The following SAMD7 variants were observed in gnomAD, a reference collection of about 807,000 sequenced individuals.
SAMD7 encodes sterile alpha motif domain-containing protein 7.
In SAMD7, 34 loss-of-function variants were observed where a neutral mutation model predicts 36.7. The observed-to-expected ratio is 0.93, with a 90% CI of 0.71 to 1.23. The LOEUF is 1.23. Among genes scored for constraint, SAMD7 ranks in the 50% most tolerant of loss-of-function variants. The pLI is 0.00. For missense variants in SAMD7, 570 were observed against 546.6 expected, an observed-to-expected ratio of 1.04 and a Z score of -0.43; for synonymous variants, 188 against 189.7, an observed-to-expected ratio of 0.99 and a Z score of 0.07.
chr3:169,921,281 T>C lies in SAMD7; in HGVS notation c.154T>C (p.Ser52Pro). The C allele has an allele frequency of 6.2e-7, 1 of 1,614,086 alleles. No homozygotes were observed. Among genetic ancestry groups the C allele is most frequent in the East Asian group, 2.2e-5 (1 of 44,884 alleles). The change falls in exon 4 of 9, where the codon TCC (serine) becomes CCC (proline). Residue 52 changes from serine (S) to proline (P), a missense_variant. Transcript: ENST00000335556. Reference protein sequence around the residue: ...RQFCVPSQFGSSVLPNTNMAN... With the variant: ...RQFCVPSQFGPSVLPNTNMAN... ...GTTTTGCGTTCCTTCCCAATTTGGATCCTCTGTTCTACCAAACACAAATAT... is the reference window on the plus strand; with the variant it reads ...GTTTTGCGTTCCTTCCCAATTTGGACCCTCTGTTCTACCAAACACAAATAT...
intron 2 of SAMD7, among the ~76,000 whole-genome samples, chr3:169,919,150 T>TCAA (rs35497086): frequency 1.3e-5 from 2 of 152,006 alleles, no homozygotes; most frequent in East Asian, 1.9e-4. Context: ...ATCTCAAAAA[T>TCAA]CAACAACAAC....
intron 5 of SAMD7, among the ~76,000 whole-genome samples, chr3:169,925,879 A>T (rs756366402): frequency 3.3e-5 from 5 of 152,190 alleles, no homozygotes; most frequent in Non-Finnish European, 7.3e-5. Context: ...TTGCGCAAAG[A>T]TAGGAGCCAA....
chr3:169,920,699 A>G (rs1713007456), intron 3 of SAMD7, among the ~76,000 whole-genome samples: 1 of 152,152 alleles, frequency 6.6e-6, no homozygotes, highest in African/African-American at 2.4e-5. Context: ...GTTGTTGTTT[A>G]GAATATTTTG....
At chr3:169,917,786 C>T (rs1055989367) in intron 2 of SAMD7, among the ~76,000 whole-genome samples, 3 of 152,036 alleles carry the variant, frequency 2.0e-5, no homozygotes, top group Admixed American at 6.6e-5. Flanking sequence ...AGACTACAGG[C>T]GCCCGCCACC....
chr3:169,931,312 C>T (rs879484175), intron 7 of SAMD7, among the ~76,000 whole-genome samples: 15 of 152,194 alleles, frequency 9.9e-5, no homozygotes, highest in Non-Finnish European at 1.5e-4. Context: ...TACATCTGAG[C>T]GACAGGGACA....
chr3:169,916,901 G>A lies in SAMD7; in HGVS notation c.-42+1460G>A, dbSNP rs116694916. On this transcript the variant is annotated intron_variant, in intron 2 of 8. Transcript: ENST00000335556. ...TTTCAAGTTGCGGGGCAGGGTCCTC[G>A]CTAGAGTTATGAGCCCAGCCCATCT... Among the ~76,000 whole-genome samples the A allele has an allele frequency of 5.0e-3, 763 of 152,226 alleles. 7 individuals are homozygous for A. The highest frequency in any genetic ancestry group is 0.018 in the African/African-American group (731 of 41,528).
intron 7 of SAMD7, among the ~76,000 whole-genome samples, chr3:169,930,227 T>A (rs2108263739): frequency 6.6e-6 from 1 of 152,340 alleles, no homozygotes; most frequent in Admixed American, 6.5e-5. Flanking sequence ...CTCTGCTGAC[T>A]CATTATCTCT....
chr3:169,912,780 T>G (rs1403714489), intron 1 of SAMD7, among the ~76,000 whole-genome samples: 10 of 152,182 alleles, frequency 6.6e-5, no homozygotes, highest in Non-Finnish European at 1.5e-4. Flanking sequence ...GTCCTAAAGC[T>G]TATGCCTTTA....
intron 6 of SAMD7, 104 bp downstream of exon 6, chr3:169,927,285 CTTTTTTTTT>C (rs71634451): frequency 3.7e-4 from 52 of 141,782 alleles, no homozygotes; most frequent in East Asian, 9.2e-4. Flanking sequence ...TTTTATCTTT[CTTTTTTTTT>C]TTTTTTTTTT....
rs1713273630 is a variant in SAMD7, at chr3:169,926,680, CATGGCAGG to C, written c.420_427del (p.His140GlnfsTer7). ...TGTCCCAGCTGCCCCCGCTGCCTAC[CATGGCAGG>C]AGCATGCTCCCTGCCGGTGACCTGC... On this transcript the variant is annotated frameshift_variant, in exon 6 of 9. Transcript: ENST00000335556. LOFTEE classifies it high-confidence loss of function. The C allele has an allele frequency of 6.2e-7, 1 of 1,613,998 alleles. No homozygotes were observed. Among genetic ancestry groups the C allele is most frequent in the East Asian group, 2.2e-5 (1 of 44,866 alleles).
At chr3:169,936,200 TA>T (rs577960859) in intron 7 of SAMD7, 138 bp from the exon 8 acceptor site, 7 of 588,718 alleles carry the variant, frequency 1.2e-5, no homozygotes, top group Non-Finnish European at 1.8e-5. Context: ...AGAGAGCAAC[TA>T]AAAAAAGGTT....
At chr3:169,922,302 G>A (rs1713076938) in intron 4 of SAMD7, among the ~76,000 whole-genome samples, 1 of 152,146 alleles carries the variant, frequency 6.6e-6, no homozygotes, top group Admixed American at 6.5e-5. Context: ...GGTAAAAGGA[G>A]CATCTCTGGA....
intron 7 of SAMD7, chr3:169,931,857 G>A (rs192496395): frequency 3.1e-5 from 6 of 192,268 alleles, no homozygotes; most frequent in Non-Finnish European, 6.5e-5. Flanking sequence ...AGTCTAGGAC[G>A]CAACGGGAAC....
In SAMD7 at chr3:169,932,986, C is replaced by G. The variant is rs908086766; in HGVS notation, c.1042-3353C>G. 24 of 718,900 alleles carry G rather than the reference C, an allele frequency of 3.3e-5. No individual in the cohort carries two copies. The Middle Eastern group carries it at 2.1e-3, about 62-fold the overall frequency. The allele number at this position is 718,900 out of a possible 1,614,324, so 44.5% of individuals were successfully genotyped here. A position where few individuals can be genotyped will look rare whatever the true frequency, so the allele number is the denominator to read the frequency against. ...TGGATGAAAGAAGCATTCTTTCCCC[C>G]CCTCTATCAGTGTGGCATCACTCAG... On this transcript the variant is annotated intron_variant, in intron 7 of 8. Coordinates refer to ENST00000335556, the MANE Select transcript of SAMD7 (RefSeq NM_001304366.2).
rs765695055 is a variant in SAMD7 at position 169,926,802 on chromosome 3, A to G, written c.540A>G (p.Arg180=). The G allele has an allele frequency of 1.2e-6, 2 of 1,613,950 alleles. No individual in the cohort carries two copies. The highest frequency in any genetic ancestry group is 1.7e-5 in the Admixed American group (1 of 59,986). ...ACTTTGAGGAGAGCTGGGGGCAGAG[A>G]TGTCGTCGACTCAGGAAAAATACAG... ...APHFEESWGQ[R]CRRLRKNTGN... is the part of the protein sequence containing the mutation. The change falls in exon 6 of 9, where the codon AGA becomes AGG. Residue 180 remains arginine (R), a synonymous_variant. Coordinates refer to ENST00000335556, the MANE Select transcript of SAMD7 (RefSeq NM_001304366.2).
At chr3:169,918,542 T>A (rs1426288432) in intron 2 of SAMD7, among the ~76,000 whole-genome samples, 1 of 152,220 alleles carries the variant, frequency 6.6e-6, no homozygotes, top group African/African-American at 2.4e-5. Flanking sequence ...CAAGAAAATG[T>A]CAGGAAAAAT....
intron 4 of SAMD7, among the ~76,000 whole-genome samples, chr3:169,924,568 C>CAG (rs1183482593): frequency 1.3e-5 from 2 of 152,082 alleles, no homozygotes; most frequent in East Asian, 3.9e-4. Context: ...GCCTGGATGA[C>CAG]AGAGCGAGAC....
rs1277073482 is a variant in SAMD7, at chr3:169,915,356, T to A, written c.-116-11T>A. 1 of 152,136 alleles carries A rather than the reference T, an allele frequency of 6.6e-6. No homozygotes were observed. The highest frequency in any genetic ancestry group is 1.5e-5 in the Non-Finnish European group (1 of 68,024). 9.4% of individuals were successfully genotyped at this position (152,136 alleles called of 1,614,324 possible). On this transcript the variant is annotated splice_polypyrimidine_tract_variant and intron_variant, in intron 1 of 8. Transcript: ENST00000335556. Reference sequence around the variant, plus strand: ...CCCAAATAAACTACTGTACTTAATTTCTTGTCTTAGGGCCTCCTTTGGGGA... The same window carrying A: ...CCCAAATAAACTACTGTACTTAATTACTTGTCTTAGGGCCTCCTTTGGGGA...
Position 169,927,028 on chromosome 3 carries a change from G to C in SAMD7, c.766G>C (p.Glu256Gln). ...TCTTGCCAACACCTGTGGAGAGCTC[G>C]AGCCCACCCATAGGAAACCCTGGGG... is the stretch of plus-strand genomic sequence containing the variant. ...TALANTCGEL[E>Q]PTHRKPWGSH... Residue 256 changes from glutamate to glutamine, a missense_variant, in exon 6 of 9, where the codon GAG (glutamate) becomes CAG (glutamine). By Grantham distance (29) the Glu-to-Gln change is conservative (BLOSUM62 2). Transcript: ENST00000335556. 1 of 1,613,254 alleles carries C rather than the reference G, an allele frequency of 6.2e-7. No homozygotes were observed. The highest frequency in any genetic ancestry group is 8.5e-7 in the Non-Finnish European group (1 of 1,179,776).
Sources: gnomAD v4.1 joint callset for allele counts (sites outside exome capture counted in the v4.1 genomes callset) on GRCh38, gnomAD v4.1.1 for gene constraint, MANE v1.5 for transcripts, NCBI Gene and HGNC (gene_info 2026-07-23, HGNC 2026-07-21) for gene names.